TMCC1: variants seen among roughly 807,000 people sequenced by gnomAD.
TMCC1 encodes transmembrane and coiled-coil domains protein 1.
Under a neutral mutation model 52.4 loss-of-function variants are expected in TMCC1, and 15 were observed. That is an observed-to-expected ratio of 0.29 (90% CI 0.19 to 0.44). The LOEUF is 0.44. Among genes scored for constraint, TMCC1 ranks in the 20% least tolerant of loss-of-function variants. The pLI is 1.00. For synonymous variants in TMCC1, 279 were observed against 301.9 expected (o/e 0.92, Z 0.79); for missense variants, 503 against 806.0 (o/e 0.62, Z 4.55).
At chr3:129,851,273 C>A (rs978948856) in intron 2 of TMCC1, among the ~76,000 whole-genome samples, 2 of 152,178 alleles carry the variant, frequency 1.3e-5, no homozygotes, top group African/African-American at 4.8e-5. Context: ...TAGCACCAGC[C>A]TTTGGCTCCA....
intron 4 of TMCC1, among the ~76,000 whole-genome samples, chr3:129,774,969 A>G (rs2054909443): frequency 6.6e-6 from 1 of 152,196 alleles, no homozygotes; most frequent in African/African-American, 2.4e-5. Context: ...TGCAGCATCC[A>G]GAATGAATTA....
chr3:129,691,728 A>T (rs1205422768), intron 4 of TMCC1, among the ~76,000 whole-genome samples: 1 of 152,156 alleles, frequency 6.6e-6, no homozygotes. Context: ...AGCTGCAGTG[A>T]GCTATGATTT....
At chr3:129,755,943 C>T (rs752684084) in intron 4 of TMCC1, among the ~76,000 whole-genome samples, 3 of 151,966 alleles carry the variant, frequency 2.0e-5, no homozygotes, top group African/African-American at 4.8e-5. Flanking sequence ...CCTAAAAATA[C>T]AAAACTCAGC....
At chr3:129,752,782 T>G (rs1194882383) in intron 4 of TMCC1, among the ~76,000 whole-genome samples, 2 of 152,172 alleles carry the variant, frequency 1.3e-5, no homozygotes, top group East Asian at 3.8e-4. Context: ...CTCACACTGC[T>G]ATAAAGACAC....
At chr3:129,773,787 A>G (rs2107708680) in intron 4 of TMCC1, among the ~76,000 whole-genome samples, 1 of 152,218 alleles carries the variant, frequency 6.6e-6, no homozygotes, top group Admixed American at 6.5e-5. Flanking sequence ...TCTACCAAAA[A>G]TTTAAAATTA....
chr3:129,740,819 C>G (rs2051391438), intron 4 of TMCC1, among the ~76,000 whole-genome samples: 1 of 152,126 alleles, frequency 6.6e-6, no homozygotes, highest in African/African-American at 2.4e-5. Context: ...TTCTTTGACT[C>G]CTGAACAAAA....
chr3:129,866,378 G>GTTT (rs1160648900), intron 2 of TMCC1, among the ~76,000 whole-genome samples: 1 of 108,036 alleles, frequency 9.3e-6, no homozygotes, highest in Non-Finnish European at 1.9e-5. Context: ...ATATATATAT[G>GTTT]TTTTTTTTTT....
intron 4 of TMCC1, among the ~76,000 whole-genome samples, chr3:129,773,682 T>A (rs1281829613): frequency 6.6e-6 from 1 of 152,330 alleles, no homozygotes; most frequent in Non-Finnish European, 1.5e-5. Flanking sequence ...AGGTGGCTCA[T>A]GTCTGTAATC....
intron 4 of TMCC1, among the ~76,000 whole-genome samples, chr3:129,761,236 G>A (rs1456084433): frequency 2.0e-5 from 3 of 151,808 alleles, no homozygotes; most frequent in Non-Finnish European, 4.4e-5. Context: ...GGTGAGGCGG[G>A]AGAATGGCGT....
intron 4 of TMCC1, among the ~76,000 whole-genome samples, chr3:129,812,433 G>A (rs2057872212): frequency 6.7e-6 from 1 of 149,532 alleles, no homozygotes; most frequent in Non-Finnish European, 1.5e-5. Context: ...AGAAACTTAA[G>A]CTGGTACTCT....
At chr3:129,817,656 T>C (rs996414277) in intron 4 of TMCC1, among the ~76,000 whole-genome samples, 25 of 152,124 alleles carry the variant, frequency 1.6e-4, no homozygotes, top group African/African-American at 6.0e-4. Context: ...GGAATTTTTT[T>C]TTTCTTTTTT....
At chr3:129,879,604 T>C (rs1209158326) in intron 2 of TMCC1, among the ~76,000 whole-genome samples, 25 of 152,206 alleles carry the variant, frequency 1.6e-4, no homozygotes, top group Non-Finnish European at 1.5e-5. Flanking sequence ...GTAAAGCAAG[T>C]AATGATAAGC....
In TMCC1 at chr3:129,833,516, G is replaced by C. The variant is rs557067713; in HGVS notation, c.-183-690C>G. On this transcript the variant is annotated intron_variant, in intron 2 of 6. Coordinates refer to ENST00000393238, the MANE Select transcript of TMCC1 (RefSeq NM_001017395.5). ...GCCCCGGAGCTGGAGATTACAGCGA[G>C]CTATGGCTGCACCACTGCCCTCTAG... 3.3e-5 allele frequency among the ~76,000 whole-genome samples: 5 copies of C among 152,284 alleles called. No individual in the cohort carries two copies. In the South Asian group the frequency reaches 6.2e-4, roughly 19 times the overall value.
intron 4 of TMCC1, among the ~76,000 whole-genome samples, chr3:129,815,654 T>C (rs184220572): frequency 6.6e-6 from 1 of 152,066 alleles, no homozygotes; most frequent in East Asian, 1.9e-4. Context: ...CTAGAAGAAA[T>C]CATTGGGGAA....
intron 4 of TMCC1, among the ~76,000 whole-genome samples, chr3:129,704,949 G>A (rs191831544): frequency 6.6e-6 from 1 of 152,294 alleles, no homozygotes; most frequent in African/African-American, 2.4e-5. Flanking sequence ...ACCAGGGACA[G>A]TAATTATTCT....
chr3:129,874,103 G>A (rs930261035), intron 2 of TMCC1, among the ~76,000 whole-genome samples: 1 of 152,132 alleles, frequency 6.6e-6, no homozygotes, highest in African/African-American at 2.4e-5. Flanking sequence ...TACTAAGGAG[G>A]AGAAGTAAGG....
At chr3:129,873,545 T>C (rs1182273891) in intron 2 of TMCC1, among the ~76,000 whole-genome samples, 1 of 151,830 alleles carries the variant, frequency 6.6e-6, no homozygotes, top group Non-Finnish European at 1.5e-5. Flanking sequence ...CCAGGCGTGG[T>C]GGTGCACGCC....
At chr3:129,794,693 C>T (rs1224229532) in intron 4 of TMCC1, among the ~76,000 whole-genome samples, 2 of 151,968 alleles carry the variant, frequency 1.3e-5, no homozygotes, top group Admixed American at 6.6e-5. Context: ...GCGAGGATGC[C>T]GCTGTGGTGC....
chr3:129,827,169 G>C (rs2058695082), intron 4 of TMCC1, among the ~76,000 whole-genome samples: 1 of 152,202 alleles, frequency 6.6e-6, no homozygotes, highest in South Asian at 2.1e-4. Flanking sequence ...TCAAACCCTA[G>C]CAGGACTATT....
Sources: gnomAD v4.1 joint callset for allele counts (sites outside exome capture counted in the v4.1 genomes callset) on GRCh38, gnomAD v4.1.1 for gene constraint, MANE v1.5 for transcripts, NCBI Gene and HGNC (gene_info 2026-07-23, HGNC 2026-07-21) for gene names.